ATM: variants seen among roughly 807,000 people sequenced by gnomAD.
ATM encodes the protein serine-protein kinase ATM.
In ATM, 308 loss-of-function variants were observed where a neutral mutation model predicts 387.0. The observed-to-expected ratio is 0.80, with a 90% confidence interval of 0.73 to 0.87. The LOEUF is 0.87. Among genes scored for constraint, ATM ranks in the 40% least tolerant of loss-of-function variants. The probability of loss-of-function intolerance (pLI) is 0.00; values close to 1 mark genes in which losing one functional copy is unlikely to be tolerated. For synonymous variants in ATM, 1,156 were observed against 1,187.3 expected, an observed-to-expected ratio of 0.97 and a Z score of 0.54; for missense variants, 3,312 against 3,560.9, an observed-to-expected ratio of 0.93 and a Z score of 1.78.
intron 40 of ATM, among the ~76,000 whole-genome samples, 196 bp downstream of exon 40, chr11:108,312,694 A>G (rs56143360): frequency 2.6e-4 from 40 of 151,932 alleles, no homozygotes; most frequent in African/African-American, 9.2e-4. Context: ...TGACTCTGCC[A>G]CTTCTTGAGT....
chr11:108,277,484 G>A (rs2082007544), intron 22 of ATM, among the ~76,000 whole-genome samples: 1 of 152,150 alleles, frequency 6.6e-6, no homozygotes, highest in Non-Finnish European at 1.5e-5. Context: ...TAAACCCAGG[G>A]CCCTGGTGGT....
chr11:108,355,097 T>C (rs2137368315), intron 61 of ATM: 3 of 554,764 alleles, frequency 5.4e-6, no homozygotes, highest in East Asian at 3.0e-5. Flanking sequence ...TGTTAGAGCA[T>C]TGTAAGTAGT....
intron 32 of ATM, among the ~76,000 whole-genome samples, chr11:108,296,714 T>A (rs139035634): frequency 2.6e-5 from 4 of 152,252 alleles, no homozygotes; most frequent in African/African-American, 9.6e-5. Context: ...GAGTATTTTA[T>A]GGGCTAGAGA....
intron 44 of ATM, 127 bp from the exon 45 acceptor site, chr11:108,321,174 T>G: frequency 1.6e-6 from 2 of 1,247,620 alleles, no homozygotes; most frequent in South Asian, 2.7e-5. Flanking sequence ...TATTCACTGT[T>G]GCTTGTTAGT....
intron 22 of ATM, among the ~76,000 whole-genome samples, chr11:108,276,590 T>TC: frequency 6.6e-6 from 1 of 152,268 alleles, no homozygotes; most frequent in African/African-American, 2.4e-5. Context: ...TCCTTTTTGT[T>TC]TGTTAGTTTT....
intron 29 of ATM, 168 bp downstream of exon 29, chr11:108,289,969 C>G: frequency 1.7e-6 from 1 of 598,356 alleles, no homozygotes; most frequent in South Asian, 2.1e-5. Context: ...ATTATCCTTC[C>G]TCCTCACCCT....
chr11:108,337,033 A>G (rs1160005958), intron 56 of ATM, among the ~76,000 whole-genome samples: 1 of 152,174 alleles, frequency 6.6e-6, no homozygotes, highest in Non-Finnish European at 1.5e-5. Flanking sequence ...TTCCACTATG[A>G]ACGTGTTTTA....
rs951881516 is a variant in ATM at position 108,326,094 on chromosome 11, A to T, written c.6844A>T (p.Asn2282Tyr). 1.2e-6 allele frequency: 2 copies of T among 1,614,156 alleles called. No homozygotes were observed. The highest frequency in any genetic ancestry group is 1.7e-6 in the Non-Finnish European group (2 of 1,180,018). Residue 2282 changes from asparagine to tyrosine, a missense_variant, in exon 47 of 63, where the codon AAT becomes TAT. Physicochemically the swap from Asn to Tyr is moderately radical, Grantham distance 143. Transcript: ENST00000675843. ...ERAIFQIKQY[N>Y]SVSCGVSEWQ... ...GGCAATATTTCAAATTAAACAGTAC[A>T]ATTCAGTTAGCTGTGGAGTCTCTGA...
At chr11:108,234,489 T>C (rs1591470264) in intron 4 of ATM, among the ~76,000 whole-genome samples, 1 of 152,308 alleles carries the variant, frequency 6.6e-6, no homozygotes, top group East Asian at 1.9e-4. Flanking sequence ...ATGTGTGTAG[T>C]CATGCCAAGT....
At chr11:108,358,698 C>T (rs1260398157) in intron 61 of ATM, among the ~76,000 whole-genome samples, 1 of 149,784 alleles carries the variant, frequency 6.7e-6, no homozygotes, top group Non-Finnish European at 1.5e-5. Context: ...CCAAACTAAG[C>T]TTCATCAGTG....
rs587780631 is a variant in ATM, at chr11:108,317,467, T to G, written c.6293T>G (p.Leu2098Arg). The change falls in exon 43 of 63, where the codon CTT becomes CGT. Residue 2098 changes from leucine to arginine, a missense_variant. This residue lies in a region of ATM where 1,405 missense variants were observed against 1,604.4 expected (regional missense o/e 0.88). Transcript: ENST00000675843. ...GACTGGTGTCCTGAACTAGAAGAACTTCATTACCAAGCAGCATGGAGGAAT... is the reference window on the plus strand; with the variant it reads ...GACTGGTGTCCTGAACTAGAAGAACGTCATTACCAAGCAGCATGGAGGAAT... ...NKDWCPELEE[L>R]HYQAAWRNMQ... The G allele has an allele frequency of 6.2e-7, 1 of 1,612,618 alleles. No homozygotes were observed. The highest frequency in any genetic ancestry group is 8.5e-7 in the Non-Finnish European group (1 of 1,179,550).
chr11:108,362,914 C>T (rs548609675), intron 61 of ATM, among the ~76,000 whole-genome samples: 1 of 151,842 alleles, frequency 6.6e-6, no homozygotes, highest in Non-Finnish European at 1.5e-5. Context: ...CTAACCTGCA[C>T]AATGTGCACA....
chr11:108,343,780 C>T (rs1367988108), intron 57 of ATM, among the ~76,000 whole-genome samples: 2 of 151,988 alleles, frequency 1.3e-5, no homozygotes, highest in African/African-American at 4.8e-5. Flanking sequence ...GACCCCATCT[C>T]TAAAAAACAA....
At chr11:108,273,331 CTTTTTTTTTTTTTTT>C (rs563140198) in intron 22 of ATM, among the ~76,000 whole-genome samples, 1 of 80,656 alleles carries the variant, frequency 1.2e-5, no homozygotes, top group East Asian at 3.5e-4. Context: ...TAATTTCATT[CTTTTTTTTTTTTTTT>C]TTTTTTTTTT....
Position 108,316,094 on chromosome 11 carries a change from G to C in ATM, c.6179G>C (p.Arg2060Pro), listed in dbSNP as rs376521407. The change falls in exon 42 of 63, where the codon CGC becomes CCC. Residue 2060 changes from arginine (R) to proline (P), a missense_variant. This residue lies in a region of ATM where 1,405 missense variants were observed against 1,604.4 expected (regional missense o/e 0.88). Coordinates refer to ENST00000675843, the MANE Select transcript of ATM (RefSeq NM_000051.4). ...GAAACAGCAATCCCCTCATCAACAC[G>C]CCAGGCAGGAATCATTCAGGTACAT... ...DLETAIPSST[R>P]QAGIIQALQN... 9 of 1,613,862 alleles carry C rather than the reference G, an allele frequency of 5.6e-6. No individual in the cohort carries two copies. In the African/African-American group the frequency reaches 1.2e-4, roughly 22 times the overall value.
Position 108,367,468 on chromosome 11 carries a change from T to C in ATM, c.*1960T>C, listed in dbSNP as rs975238633. 15 of 203,024 alleles carry C rather than the reference T, an allele frequency of 7.4e-5. No individual in the cohort carries two copies. Among genetic ancestry groups the C allele is most frequent in the African/African-American group, 3.4e-4 (15 of 43,626 alleles). The allele number at this position is 203,024 out of a possible 1,614,324, so 12.6% of individuals were successfully genotyped here. A position where few individuals can be genotyped will look rare whatever the true frequency, so the allele number is the denominator to read the frequency against. On this transcript the variant is annotated 3_prime_UTR_variant, in exon 63 of 63. Coordinates refer to ENST00000675843, the MANE Select transcript of ATM (RefSeq NM_000051.4). ...ACATTTCTCTGTCCCCCAGCTGTCA[T>C]CATATAAGATAAACATCAGATAAAA...
chr11:108,331,691 C>T lies in ATM; in HGVS notation c.7629+134C>T. On this transcript the variant is annotated intron_variant, in intron 51 of 62. Coordinates refer to ENST00000675843, the MANE Select transcript of ATM (RefSeq NM_000051.4). Reference sequence around the variant, plus strand: ...TTGTATTTTTTGTCTTCTCACATCACATAAGTTACTCATTTTCTCTCTCTA... The same window carrying T: ...TTGTATTTTTTGTCTTCTCACATCATATAAGTTACTCATTTTCTCTCTCTA... The T allele has an allele frequency of 3.0e-6, 4 of 1,335,632 alleles. No homozygotes were observed. In the East Asian group the frequency reaches 7.6e-5, roughly 25 times the overall value. 82.7% of individuals were successfully genotyped at this position (1,335,632 alleles called of 1,614,324 possible).
rs1216931701 is a variant in ATM at position 108,287,639 on chromosome 11, G to A, written c.4033G>A (p.Val1345Met). Residue 1345 changes from valine to methionine, a missense_variant, in exon 27 of 63, where the codon GTG becomes ATG. By Grantham distance (21) the Val-to-Met change is conservative. This residue lies in a region of ATM where 1,791 missense variants were observed against 1,804.5 expected (regional missense o/e 0.99). Transcript: ENST00000675843. ...LFISNLPEIV[V>M]ELLMTLHEPA... ...CATTAGTAATTTACCAGAGATTGTG[G>A]TGGAGTTATTGATGACGTTACATGA... is the stretch of plus-strand genomic sequence containing the variant. 1 of 1,613,604 alleles carries A rather than the reference G, an allele frequency of 6.2e-7. No individual in the cohort carries two copies. The highest frequency in any genetic ancestry group is 8.5e-7 in the Non-Finnish European group (1 of 1,179,802).
intron 5 of ATM, among the ~76,000 whole-genome samples, chr11:108,240,712 T>C (rs1436483892): frequency 6.6e-6 from 1 of 152,138 alleles, no homozygotes; most frequent in Non-Finnish European, 1.5e-5. Context: ...TAACCATGAA[T>C]GGAGCTTGCA....
Sources: allele counts gnomAD v4.1 joint callset (sites outside exome capture counted in the v4.1 genomes callset), GRCh38; gene constraint gnomAD v4.1.1; regional missense constraint gnomAD v4.1.1; transcripts MANE v1.5; gene names NCBI Gene and HGNC (gene_info 2026-07-23, HGNC 2026-07-21).